CDKAL1: variants seen among roughly 807,000 people sequenced by gnomAD.
CDKAL1 encodes the protein threonylcarbamoyladenosine tRNA methylthiotransferase.
A neutral mutation model predicts 68.2 loss-of-function variants in CDKAL1; 32 were observed. The observed-to-expected ratio is 0.47, with a 90% CI of 0.35 to 0.63. CDKAL1 has a LOEUF of 0.63. Ranked by LOEUF, CDKAL1 falls within the 30% of genes least tolerant of loss-of-function variation. CDKAL1 has a pLI of 0.00. For missense variants in CDKAL1, 606 were observed against 696.7 expected (o/e 0.87, Z 1.47); for synonymous variants, 234 against 244.3 (o/e 0.96, Z 0.39).
intron 8 of CDKAL1, among the ~76,000 whole-genome samples, chr6:20,812,911 G>T (rs1232277897): frequency 6.6e-6 from 1 of 152,024 alleles, no homozygotes; most frequent in African/African-American, 2.4e-5. Flanking sequence ...TGGCTGAATT[G>T]GTTGTACCAT....
chr6:21,184,174 C>T (rs971369353), intron 13 of CDKAL1, among the ~76,000 whole-genome samples: 1 of 150,498 alleles, frequency 6.6e-6, no homozygotes, highest in Non-Finnish European at 1.5e-5. Context: ...AAATATTTTA[C>T]CCCGAAATAC....
At chr6:20,770,163 G>A (rs1335927795) in intron 7 of CDKAL1, among the ~76,000 whole-genome samples, 1 of 151,528 alleles carries the variant, frequency 6.6e-6, no homozygotes, top group Non-Finnish European at 1.5e-5. Flanking sequence ...ATAAAGATAC[G>A]CTTAATTTTT....
rs1433573346 is a variant in CDKAL1 at position 20,539,150 on chromosome 6, G to A, written c.-6+3756G>A. Among the ~76,000 whole-genome samples, 1 of 152,144 alleles carries A rather than the reference G, an allele frequency of 6.6e-6. No homozygotes were observed. Among genetic ancestry groups the A allele is most frequent in the Non-Finnish European group, 1.5e-5 (1 of 68,006 alleles). On this transcript the variant is annotated intron_variant, in intron 2 of 15. Coordinates refer to ENST00000274695, the MANE Select transcript of CDKAL1 (RefSeq NM_017774.3). This position sits in a 1 kb window ranked among gnomAD's most constrained non-coding sequence, Gnocchi z 4.3. ...GTTGTTTGAGTGAAGAAGTGGGTGGGAAGACATACTTATCTGGGGGCTGAT... is the reference window on the plus strand; with the variant it reads ...GTTGTTTGAGTGAAGAAGTGGGTGGAAAGACATACTTATCTGGGGGCTGAT...
At chr6:20,560,157 A>G (rs539511706) in intron 4 of CDKAL1, among the ~76,000 whole-genome samples, 1 of 152,368 alleles carries the variant, frequency 6.6e-6, no homozygotes, top group African/African-American at 2.4e-5. Context: ...TTACACTATT[A>G]TAAATGAAAG....
chr6:21,210,515 A>T (rs972140007), intron 15 of CDKAL1, among the ~76,000 whole-genome samples: 1 of 152,198 alleles, frequency 6.6e-6, no homozygotes, highest in African/African-American at 2.4e-5. Context: ...TGGCACCTTG[A>T]TCTTAGATTT....
chr6:20,819,609 A>G (rs1473644649), intron 8 of CDKAL1, among the ~76,000 whole-genome samples: 1 of 152,182 alleles, frequency 6.6e-6, no homozygotes, highest in Non-Finnish European at 1.5e-5. Context: ...GTATCTAGGC[A>G]TGAAGTGTTC....
chr6:21,045,268 G>T (rs1386204858), intron 11 of CDKAL1, among the ~76,000 whole-genome samples: 4 of 152,138 alleles, frequency 2.6e-5, no homozygotes, highest in Non-Finnish European at 1.5e-5. Context: ...AATACTCCTG[G>T]CAGTGACTGT....
At chr6:20,559,962 CTGT>C (rs1561925558) in intron 4 of CDKAL1, among the ~76,000 whole-genome samples, 1 of 152,072 alleles carries the variant, frequency 6.6e-6, no homozygotes, top group African/African-American at 2.4e-5. Flanking sequence ...ATTTAAAAAT[CTGT>C]TGTTAGTATT....
intron 12 of CDKAL1, among the ~76,000 whole-genome samples, chr6:21,082,754 A>T (rs537063432): frequency 1.7e-4 from 26 of 152,302 alleles, no homozygotes; most frequent in Non-Finnish European, 3.2e-4. Context: ...AAGATGATTG[A>T]GACCAGAAGT....
chr6:20,939,152 C>T (rs1401010888), intron 9 of CDKAL1, among the ~76,000 whole-genome samples: 1 of 152,092 alleles, frequency 6.6e-6, no homozygotes, highest in Non-Finnish European at 1.5e-5. Context: ...AGCTTTCGTT[C>T]TATTTGGGGG....
In CDKAL1 at chr6:20,732,263, C is replaced by CTTTTT. The variant is rs56911987; in HGVS notation, c.372-7238_372-7234dup. On this transcript the variant is annotated intron_variant, in intron 5 of 15. Coordinates refer to ENST00000274695, the MANE Select transcript of CDKAL1 (RefSeq NM_017774.3). Reference sequence around the variant, plus strand: ...TTTTTTCTTTTTCTTTTCTTTCTTTCTTTTTTTTTTTTTTTTTTTTTTGTT... The same window carrying CTTTTT: ...TTTTTTCTTTTTCTTTTCTTTCTTTCTTTTTTTTTTTTTTTTTTTTTTTTTTTGTT... 5.6e-3 allele frequency among the ~76,000 whole-genome samples: 468 copies of CTTTTT among 83,458 alleles called. 1 individual carries two copies. The highest frequency in any genetic ancestry group is 8.7e-3 in the African/African-American group (179 of 20,494). 54.8% of individuals were successfully genotyped at this position (83,458 alleles called of 152,430 possible).
intron 13 of CDKAL1, among the ~76,000 whole-genome samples, chr6:21,155,475 G>A (rs1040501537): frequency 2.0e-5 from 3 of 152,168 alleles, no homozygotes; most frequent in African/African-American, 7.2e-5. Context: ...TTTGATTTGA[G>A]GAGCGCCTGG....
At chr6:21,073,235 T>C (rs549569878) in intron 12 of CDKAL1, among the ~76,000 whole-genome samples, 1 of 152,338 alleles carries the variant, frequency 6.6e-6, no homozygotes, top group South Asian at 2.1e-4. Flanking sequence ...CTGAAGGACA[T>C]GTTGGTTGCT....
chr6:20,993,317 G>T (rs1766936748), intron 10 of CDKAL1, among the ~76,000 whole-genome samples: 1 of 149,728 alleles, frequency 6.7e-6, no homozygotes, highest in Non-Finnish European at 1.5e-5. Flanking sequence ...TTTTTTGGAG[G>T]TTTTTTTTTT....
Position 21,147,229 on chromosome 6 carries a change from T to C in CDKAL1, c.1299+38766T>C, listed in dbSNP as rs1582299671. Among the ~76,000 whole-genome samples the C allele has an allele frequency of 2.0e-5, 3 of 152,342 alleles. No individual in the cohort carries two copies. In the South Asian group the frequency reaches 6.2e-4, roughly 32 times the overall value. On this transcript the variant is annotated intron_variant, in intron 13 of 15. Coordinates refer to ENST00000274695, the MANE Select transcript of CDKAL1 (RefSeq NM_017774.3). ...AATGTTTCTGGATAAATAAAAAAGATAATTTTATTTAGTATAAAGAATGCT... is the reference window on the plus strand; with the variant it reads ...AATGTTTCTGGATAAATAAAAAAGACAATTTTATTTAGTATAAAGAATGCT...
At chr6:20,798,425 A>G (rs1430957925) in intron 8 of CDKAL1, among the ~76,000 whole-genome samples, 2 of 152,100 alleles carry the variant, frequency 1.3e-5, no homozygotes, top group Non-Finnish European at 2.9e-5. Context: ...TAGGTAGAGA[A>G]CCAGGGTAGA....
chr6:21,166,268 C>T (rs922169453), intron 13 of CDKAL1, among the ~76,000 whole-genome samples: 5 of 151,954 alleles, frequency 3.3e-5, no homozygotes, highest in African/African-American at 9.7e-5. Flanking sequence ...TGAGGTATGA[C>T]GTGAAAGAGT....
intron 9 of CDKAL1, among the ~76,000 whole-genome samples, chr6:20,946,628 A>C (rs1581889753): frequency 1.7e-5 from 2 of 121,134 alleles, no homozygotes. Flanking sequence ...ACAGAGTTTC[A>C]CTCTTGTTGC....
chr6:21,087,185 A>T (rs1188879933), intron 12 of CDKAL1, among the ~76,000 whole-genome samples: 1 of 152,234 alleles, frequency 6.6e-6, no homozygotes, highest in Non-Finnish European at 1.5e-5. Flanking sequence ...GGGATGCCAG[A>T]TGTCATTGGA....
Sources: gnomAD v4.1 joint callset for allele counts (sites outside exome capture counted in the v4.1 genomes callset) on GRCh38, gnomAD v4.1.1 for gene constraint, Gnocchi (gnomAD v3.1) non-coding constraint, MANE v1.5 for transcripts, NCBI Gene and HGNC (gene_info 2026-07-23, HGNC 2026-07-21) for gene names.